REC8: variants seen among roughly 807,000 people sequenced by gnomAD.
The protein encoded by REC8 is meiotic recombination protein REC8 homolog.
Under a neutral mutation model 78.3 loss-of-function variants are expected in REC8, and 42 were observed. The observed-to-expected ratio is 0.54, with a 90% CI of 0.42 to 0.69. The LOEUF is 0.69. Ranked by LOEUF, REC8 falls within the 30% of genes least tolerant of loss-of-function variation. The pLI is 0.00. For missense variants in REC8, 581 were observed against 715.8 expected (o/e 0.81, Z 2.15); for synonymous variants, 268 against 274.1 (o/e 0.98, Z 0.22).
intron 16 of REC8, 51 bp downstream of exon 16, chr14:24,179,514 G>A: frequency 6.2e-7 from 1 of 1,613,704 alleles, no homozygotes; most frequent in Non-Finnish European, 8.5e-7. Flanking sequence ...TTGGCCAGGT[G>A]GTGGAAACAG....
intron 16 of REC8, 47 bp from the exon 17 acceptor site, chr14:24,179,548 G>A (rs777750662): frequency 7.4e-6 from 12 of 1,614,028 alleles, no homozygotes; most frequent in Non-Finnish European, 9.3e-6. Context: ...TATGCCCCTT[G>A]TCACTGTCAC....
downstream of REC8, chr14:24,180,461 G>T (rs1276736079): frequency 6.2e-7 from 1 of 1,612,456 alleles, no homozygotes; most frequent in Admixed American, 1.7e-5. Context: ...GCCCAGTACA[G>T]CCTGGAGCTC....
Position 24,178,813 on chromosome 14 carries a change from C to T in REC8, c.1100C>T (p.Thr367Ile). The T allele has an allele frequency of 6.2e-7, 1 of 1,613,836 alleles. No homozygotes were observed. The highest frequency in any genetic ancestry group is 8.5e-7 in the Non-Finnish European group (1 of 1,179,998). Residue 367 changes from threonine to isoleucine, a missense_variant, in exon 14 of 19, where the codon ACC (threonine) becomes ATC (isoleucine). Thr to Ile is a moderately conservative substitution (Grantham distance 89). Transcript: ENST00000611366. ...CCCCCTGAACTACTGGGTCTCTGGA[C>T]CCATTGTGCCCAGCCACCCCCAAAA... ...WLPPELLGLWTHCAQPPPKAL... is the reference protein window; with the variant it reads ...WLPPELLGLWIHCAQPPPKAL...
chr14:24,173,354 C>CT lies in REC8; in HGVS notation c.411dup (p.Gly138TrpfsTer11). 1 of 1,614,186 alleles carries CT rather than the reference C, an allele frequency of 6.2e-7. No individual in the cohort carries two copies. The highest frequency in any genetic ancestry group is 8.5e-7 in the Non-Finnish European group (1 of 1,180,032). On this transcript the variant is annotated frameshift_variant, in exon 5 of 19. Transcript: ENST00000611366. LOFTEE classifies it high-confidence loss of function. ...AGACCCTAGAAGATGCTCCAGATCC[C>CT]TTTTTTGGGATGATGTCTGTGGATC... is the stretch of plus-strand genomic sequence containing the variant.
chr14:24,178,170 C>T lies in REC8; in HGVS notation c.944C>T (p.Ser315Phe), dbSNP rs867449754. 6.2e-7 allele frequency: 1 copy of T among 1,614,068 alleles called. No homozygotes were observed. The highest frequency in any genetic ancestry group is 1.1e-5 in the South Asian group (1 of 91,086). The change falls in exon 12 of 19, where the codon TCC (serine) becomes TTC (phenylalanine). Residue 315 changes from serine (S) to phenylalanine (F), a missense_variant. Ser to Phe is a radical substitution (Grantham distance 155). Transcript: ENST00000611366. ...TTCTGGGACAAGGAGACTCAGATCT[C>T]CCCGGAGAAATTCCAGGAACAACTG... ...LLFWDKETQI[S>F]PEKFQEQLQT...
chr14:24,179,237 G>T (rs1490538408), intron 15 of REC8, 104 bp downstream of exon 15: 27 of 1,229,330 alleles, frequency 2.2e-5, no homozygotes, highest in Non-Finnish European at 3.0e-5. Flanking sequence ...AGGCGTGTGT[G>T]TGTGACATAA....
At chr14:24,180,644 A>G (rs937071775), downstream of REC8, 3 of 1,612,564 alleles carry the variant, frequency 1.9e-6, no homozygotes, top group Non-Finnish European at 2.5e-6. Context: ...GAGCCCTGCC[A>G]CTCCCAGCCT....
Position 24,174,583 on chromosome 14 carries a change from C to T in REC8, c.463-960C>T, listed in dbSNP as rs1466976871. Among the ~76,000 whole-genome samples the T allele has an allele frequency of 2.0e-5, 3 of 152,040 alleles. No homozygotes were observed. In the East Asian group the frequency reaches 5.8e-4, roughly 29 times the overall value. On this transcript the variant is annotated intron_variant, in intron 5 of 18. Coordinates refer to ENST00000611366, the MANE Select transcript of REC8 (RefSeq NM_001048205.2). Reference sequence around the variant, plus strand: ...GTGAACCACCGTGCCTGGCACATACCCCAGTTTAGAACTAGTCATCCCCAG... The same window carrying T: ...GTGAACCACCGTGCCTGGCACATACTCCAGTTTAGAACTAGTCATCCCCAG...
rs2038707630 is a variant in REC8, at chr14:24,172,419, G to T, written c.-134G>T. ...GCCTCATTAACTTGGCTTTCTAGGT[G>T]CACCCACCTTGCCACCAGAGAAGTC... On this transcript the variant is annotated 5_prime_UTR_variant, in exon 1 of 19. Transcript: ENST00000611366. 1.1e-6 allele frequency: 1 copy of T among 870,724 alleles called. No homozygotes were observed. Among genetic ancestry groups the T allele is most frequent in the African/African-American group, 1.7e-5 (1 of 58,718 alleles). The allele number at this position is 870,724 out of a possible 1,614,324, so 53.9% of individuals were successfully genotyped here.
In REC8 at chr14:24,177,556, T is replaced by C. The variant is rs1208307221; in HGVS notation, c.814+15T>C. 1.2e-6 allele frequency: 2 copies of C among 1,609,766 alleles called. No individual in the cohort carries two copies. The highest frequency in any genetic ancestry group is 1.1e-5 in the South Asian group (1 of 90,776). On this transcript the variant is annotated intron_variant, in intron 10 of 18. Coordinates refer to ENST00000611366, the MANE Select transcript of REC8 (RefSeq NM_001048205.2). ...CCTACTCATGGGTGAGTGCCCACCA[T>C]GCCCCAGGGGCTTTTCTGGGAGTAC...
chr14:24,172,903 G>C lies in REC8; in HGVS notation c.130G>C (p.Glu44Gln), dbSNP rs772061360. Residue 44 changes from glutamate to glutamine, a missense_variant, in exon 3 of 19, where the codon GAA (glutamate) becomes CAA (glutamine). Physicochemically the swap from Glu to Gln is conservative, Grantham distance 29 (BLOSUM62 2). Coordinates refer to ENST00000611366, the MANE Select transcript of REC8 (RefSeq NM_001048205.2). ...LRVNVVKTCE[E>Q]ILNYVLVRVQ... The stretch of plus-strand genomic sequence containing the variant: ...TCAGGGCGCATTGTTCCCCAGCGAG[G>C]AAATCCTCAATTACGTGCTGGTACG... 1 of 1,612,910 alleles carries C rather than the reference G, an allele frequency of 6.2e-7. No homozygotes were observed. The highest frequency in any genetic ancestry group is 8.5e-7 in the Non-Finnish European group (1 of 1,180,018).
chr14:24,180,851 A>T (rs1321992718), downstream of REC8: 2 of 1,028,964 alleles, frequency 1.9e-6, no homozygotes, highest in East Asian at 2.6e-5. Context: ...ATCTCTTATC[A>T]GGGGGGTGGT....
At chr14:24,176,952 T>A (rs372328336) in intron 7 of REC8, 51 bp downstream of exon 7, 193 of 1,488,626 alleles carry the variant, frequency 1.3e-4, no homozygotes, top group Non-Finnish European at 1.6e-4. Flanking sequence ...TGCATGTACT[T>A]CTCTCTGTCC....
chr14:24,179,684 T>C lies in REC8; in HGVS notation c.1409T>C (p.Leu470Pro), dbSNP rs2138800233. The C allele has an allele frequency of 6.2e-7, 1 of 1,614,242 alleles. No homozygotes were observed. Among genetic ancestry groups the C allele is most frequent in the East Asian group, 2.2e-5 (1 of 44,886 alleles). ...PEVPMEMPLV[L>P]PPELELLSLE... ...GTGCCCATGGAGATGCCTTTGGTGCTGCCCCCAGAGCTCGAGCTGCTCTCA... is the reference window on the plus strand; with the variant it reads ...GTGCCCATGGAGATGCCTTTGGTGCCGCCCCCAGAGCTCGAGCTGCTCTCA... The change falls in exon 17 of 19, where the codon CTG becomes CCG. Residue 470 changes from leucine to proline, a missense_variant. By Grantham distance (98) the Leu-to-Pro change is moderately conservative. Coordinates refer to ENST00000611366, the MANE Select transcript of REC8 (RefSeq NM_001048205.2).
chr14:24,178,793 T>A lies in REC8; in HGVS notation c.1080T>A (p.Pro360=). The part of the protein sequence containing the change: ...RTPTLSGWLP[P]ELLGLWTHCA... ...TGTCCACAGCTGGCTGGCTACCCCC[T>A]GAACTACTGGGTCTCTGGACCCATT... Residue 360 remains proline, a synonymous_variant, in exon 14 of 19, where the codon CCT becomes CCA. Transcript: ENST00000611366. 6.2e-7 allele frequency: 1 copy of A among 1,611,988 alleles called. No individual in the cohort carries two copies. The highest frequency in any genetic ancestry group is 8.5e-7 in the Non-Finnish European group (1 of 1,178,678).
chr14:24,172,914 T>G lies in REC8; in HGVS notation c.141T>G (p.Asn47Lys), dbSNP rs776318769. The G allele has an allele frequency of 6.2e-7, 1 of 1,612,506 alleles. No homozygotes were observed. Among genetic ancestry groups the G allele is most frequent in the South Asian group, 1.1e-5 (1 of 91,086 alleles). ...NVVKTCEEIL[N>K]YVLVRVQPPQ... ...TGTTCCCCAGCGAGGAAATCCTCAA[T>G]TACGTGCTGGTACGAGTGCAACCCC... Residue 47 changes from asparagine (N) to lysine (K), a missense_variant, in exon 3 of 19, where the codon AAT becomes AAG. Physicochemically the swap from Asn to Lys is moderately conservative, Grantham distance 94. Transcript: ENST00000611366.
At chr14:24,179,304 C>T (rs1260595802) in intron 15 of REC8, 93 bp from the exon 16 acceptor site, 17 of 1,398,750 alleles carry the variant, frequency 1.2e-5, no homozygotes, top group South Asian at 4.6e-5. Flanking sequence ...AACAAGTCAC[C>T]GCACGGCTCT....
In REC8 at chr14:24,178,099, C is replaced by T. The variant is rs760742387; in HGVS notation, c.873C>T (p.Pro291=). The change falls in exon 12 of 19, where the codon CCC becomes CCT. Residue 291 remains proline, a synonymous_variant. Transcript: ENST00000611366. ...LPAPPSPERR[P]PVPPPPRRRR... ...CCCTCCCCACTCAACAGAGGAGGCC[C>T]CCAGTCCCCCCACCTCCTCGCCGCC... 1 of 1,613,270 alleles carries T rather than the reference C, an allele frequency of 6.2e-7. No homozygotes were observed. The highest frequency in any genetic ancestry group is 1.1e-5 in the South Asian group (1 of 91,026).
intron 5 of REC8, among the ~76,000 whole-genome samples, chr14:24,173,698 C>T (rs952046800): frequency 3.3e-5 from 5 of 152,212 alleles, no homozygotes; most frequent in Admixed American, 1.3e-4. Flanking sequence ...CATCTCTCTG[C>T]ACTGGGCTTT....
Sources: allele counts gnomAD v4.1 joint callset (sites outside exome capture counted in the v4.1 genomes callset), GRCh38; gene constraint gnomAD v4.1.1; transcripts MANE v1.5; gene names NCBI Gene and HGNC (gene_info 2026-07-23, HGNC 2026-07-21).